Variants in R3HCC1 observed in about 807,000 individuals in gnomAD.
R3HCC1 encodes R3H domain and coiled-coil containing 1.
Under a neutral mutation model 40.0 loss-of-function variants are expected in R3HCC1, and 32 were observed. That is an observed-to-expected ratio of 0.80 (90% confidence interval 0.60 to 1.07). The LOEUF is 1.07. Ranked by LOEUF, R3HCC1 falls within the 50% of genes least tolerant of loss-of-function variation. The pLI is 0.00. For synonymous variants in R3HCC1, 237 were observed against 232.8 expected, an observed-to-expected ratio of 1.02 and a Z score of -0.17; for missense variants, 586 against 563.3, an observed-to-expected ratio of 1.04 and a Z score of -0.41.
intron 6 of R3HCC1, among the ~76,000 whole-genome samples, chr8:23,294,022 G>A (rs1802933447): frequency 6.6e-6 from 1 of 152,184 alleles, no homozygotes; most frequent in Non-Finnish European, 1.5e-5. Flanking sequence ...GGTCTTCCCA[G>A]AAACAGCCTT....
At chr8:23,294,903 GTGTGTGTGTGCGTGCGAGCA>G in intron 7 of R3HCC1, 39 bp downstream of exon 7, 2 of 1,401,644 alleles carry the variant, frequency 1.4e-6, no homozygotes, top group Non-Finnish European at 2.0e-6. Context: ...GAGGCTGTGT[GTGTGTGTGTGCGTGCGAGCA>G]TGTGTGTGTG....
At chr8:23,293,823 T>C (rs1048493389) in intron 6 of R3HCC1, among the ~76,000 whole-genome samples, 3 of 152,066 alleles carry the variant, frequency 2.0e-5, no homozygotes, top group African/African-American at 4.8e-5. Context: ...TGGAGAGACT[T>C]AAGGGTCCCA....
intron 3 of R3HCC1, among the ~76,000 whole-genome samples, chr8:23,289,454 T>C (rs1802812462): frequency 6.6e-6 from 1 of 152,344 alleles, no homozygotes; most frequent in East Asian, 1.9e-4. Flanking sequence ...AGTGAGCTTG[T>C]GTCCCACAGA....
Position 23,289,066 on chromosome 8 carries a change from G to C in R3HCC1, c.161G>C (p.Arg54Thr). 1 of 1,536,586 alleles carries C rather than the reference G, an allele frequency of 6.5e-7. No individual in the cohort carries two copies. Among genetic ancestry groups the C allele is most frequent in the Non-Finnish European group, 8.7e-7 (1 of 1,147,010 alleles). ...AGTCGCCTCCGGTACCTGATCCATA[G>C]AACAGCAGAGAATTTTGATCTCTTG... Residue 54 changes from arginine (R) to threonine (T), a missense_variant, in exon 3 of 8, where the codon AGA (arginine) becomes ACA (threonine). Arg to Thr is a moderately conservative substitution (Grantham distance 71). Coordinates refer to ENST00000265806, the MANE Select transcript of R3HCC1 (RefSeq NM_001136108.3).
Position 23,289,084 on chromosome 8 carries a change from A to G in R3HCC1, c.179A>G (p.Asp60Gly), listed in dbSNP as rs920355744. 2.0e-6 allele frequency: 3 copies of G among 1,536,406 alleles called. No individual in the cohort carries two copies. The highest frequency in any genetic ancestry group is 2.6e-6 in the Non-Finnish European group (3 of 1,146,966). ...ATCCATAGAACAGCAGAGAATTTTG[A>G]TCTCTTGAGCAGCTTCTCCGTTGGG... The change falls in exon 3 of 8, where the codon GAT becomes GGT. Residue 60 changes from aspartate (D) to glycine (G), a missense_variant. Coordinates refer to ENST00000265806, the MANE Select transcript of R3HCC1 (RefSeq NM_001136108.3).
In R3HCC1 at chr8:23,293,363, C is replaced by T. The variant is rs1229684626; in HGVS notation, c.1086C>T (p.Cys362=). 1 of 1,551,236 alleles carries T rather than the reference C, an allele frequency of 6.4e-7. No homozygotes were observed. The change falls in exon 6 of 8, where the codon TGC becomes TGT. Residue 362 remains cysteine, a synonymous_variant. Coordinates refer to ENST00000265806, the MANE Select transcript of R3HCC1 (RefSeq NM_001136108.3). The stretch of plus-strand genomic sequence containing the variant: ...CTCACGCACTCGGCATCTTTCCCTG[C>T]CTGGCCTCAGGTAAGGCACCCCCAG...
Position 23,289,167 on chromosome 8 carries a change from C to G in R3HCC1, c.248+14C>G. ...CCAGGACATCAGGTGTGTAGCCTCC[C>G]ACCTTGAAGTGCCTGCAGCGGTGGT... On this transcript the variant is annotated intron_variant, in intron 3 of 7. Transcript: ENST00000265806. 1 of 1,535,892 alleles carries G rather than the reference C, an allele frequency of 6.5e-7. No individual in the cohort carries two copies. Among genetic ancestry groups the G allele is most frequent in the Non-Finnish European group, 8.7e-7 (1 of 1,146,714 alleles).
intron 7 of R3HCC1, 45 bp downstream of exon 7, chr8:23,294,909 G>A (rs992393327): frequency 7.3e-7 from 1 of 1,364,498 alleles, no homozygotes; most frequent in Admixed American, 2.0e-5. Context: ...GTGTGTGTGT[G>A]TGTGCGTGCG....
At chr8:23,294,430 A>G (rs1478176589) in intron 6 of R3HCC1, among the ~76,000 whole-genome samples, 1 of 152,076 alleles carries the variant, frequency 6.6e-6, no homozygotes, top group East Asian at 1.9e-4. Flanking sequence ...GAGGGTCTTG[A>G]GTGGTGAAAG....
At chr8:23,293,231 T>G in intron 5 of R3HCC1, 72 bp from the exon 6 acceptor site, 1 of 1,290,548 alleles carries the variant, frequency 7.7e-7, no homozygotes. Flanking sequence ...CGAGGGGGTG[T>G]GGCTGCGGGA....
intron 7 of R3HCC1, 85 bp downstream of exon 7, chr8:23,294,949 C>G: frequency 7.9e-6 from 8 of 1,008,072 alleles, no homozygotes; most frequent in Non-Finnish European, 9.1e-6. Context: ...GTGTGTGTGT[C>G]TGGTTTGGGC....
chr8:23,289,746 G>A (rs1184464615), intron 3 of R3HCC1, 120 bp from the exon 4 acceptor site: 31 of 1,345,106 alleles, frequency 2.3e-5, no homozygotes, highest in Non-Finnish European at 2.8e-5. Context: ...GGGTCATTTT[G>A]GCTGTGGTTT....
At chr8:23,289,285 A>C (rs1387336261) in intron 3 of R3HCC1, 132 bp downstream of exon 3, 3 of 1,010,122 alleles carry the variant, frequency 3.0e-6, no homozygotes, top group Non-Finnish European at 4.3e-6. Context: ...TCCTAGCTGC[A>C]GCTGCTCAGC....
At chr8:23,294,748 A>G (rs1344884390) in intron 6 of R3HCC1, 21 bp from the exon 7 acceptor site, 1 of 1,544,506 alleles carries the variant, frequency 6.5e-7, no homozygotes, top group African/African-American at 1.4e-5. Context: ...GAGTGGCTCC[A>G]CGCCTGCTTT....
At chr8:23,288,880 C>T in intron 2 of R3HCC1, 136 bp from the exon 3 acceptor site, 2 of 1,081,256 alleles carry the variant, frequency 1.8e-6, no homozygotes, top group South Asian at 1.5e-5. Context: ...TATCTATGCT[C>T]AGATCCTTTG....
chr8:23,292,935 A>C (rs1802899590), intron 5 of R3HCC1, among the ~76,000 whole-genome samples: 1 of 152,106 alleles, frequency 6.6e-6, no homozygotes, highest in South Asian at 2.1e-4. Context: ...CCCCTCCCCC[A>C]CCACAGAAAC....
intron 4 of R3HCC1, chr8:23,291,123 G>A: frequency 2.4e-6 from 1 of 413,902 alleles, no homozygotes. Context: ...AGGATTCTAT[G>A]GAACATTATG....
chr8:23,289,833 C>T (rs1802820102), intron 3 of R3HCC1, 33 bp from the exon 4 acceptor site: 2 of 1,469,022 alleles, frequency 1.4e-6, no homozygotes, highest in South Asian at 2.8e-5. Context: ...GGCCCCTACA[C>T]ACTCTGATTA....
chr8:23,288,585 G>A lies in R3HCC1; in HGVS notation c.62G>A (p.Arg21Gln). 1 of 1,535,958 alleles carries A rather than the reference G, an allele frequency of 6.5e-7. No homozygotes were observed. ...TCAGCCGAGAATGACTTCGTCCACC[G>A]GATCCAGGAGGAACTGGACCGCTTT... The change falls in exon 2 of 8, where the codon CGG becomes CAG. Residue 21 changes from arginine to glutamine, a missense_variant. By Grantham distance (43) the Arg-to-Gln change is conservative. Coordinates refer to ENST00000265806, the MANE Select transcript of R3HCC1 (RefSeq NM_001136108.3).
Sources: allele counts gnomAD v4.1 joint callset (sites outside exome capture counted in the v4.1 genomes callset), GRCh38; gene constraint gnomAD v4.1.1; transcripts MANE v1.5; gene names NCBI Gene and HGNC (gene_info 2026-07-23, HGNC 2026-07-21).